Variants in TRAPPC10 observed in about 807,000 individuals in gnomAD.
TRAPPC10 encodes TRAPP 130 kDa subunit.
TRAPPC10 carries 23 observed loss-of-function variants against 125.5 expected under a neutral mutation model. The observed-to-expected ratio is 0.18, with a 90% confidence interval of 0.13 to 0.26. The LOEUF (loss-of-function observed/expected upper bound fraction) is 0.26, where lower values mean the gene tolerates loss of function less well. Ranked by LOEUF, TRAPPC10 falls within the 10% of genes least tolerant of loss-of-function variation. The pLI is 1.00. For synonymous variants in TRAPPC10, 509 were observed against 518.0 expected, an observed-to-expected ratio of 0.98 and a Z score of 0.24; for missense variants, 1,123 against 1,308.4, an observed-to-expected ratio of 0.86 and a Z score of 2.19.
chr21:44,082,707 C>T lies in TRAPPC10; in HGVS notation c.1724-81C>T. 6.6e-7 allele frequency: 1 copy of T among 1,515,446 alleles called. No homozygotes were observed. The highest frequency in any genetic ancestry group is 9.0e-7 in the Non-Finnish European group (1 of 1,110,810). The allele number at this position is 1,515,446 out of a possible 1,614,324, so 93.9% of individuals were successfully genotyped here. ...CTTGCTTCAGTCTGCTCTCGGTGAT[C>T]TTACTGTGTCCGCGGCCTGCTGCTG... On this transcript the variant is annotated intron_variant, in intron 13 of 22. Transcript: ENST00000291574. This position sits in a 1 kb window ranked among gnomAD's most constrained non-coding sequence, Gnocchi z 4.4.
Position 44,052,347 on chromosome 21 carries a change from A to G in TRAPPC10, c.353A>G (p.His118Arg). The part of the protein sequence containing the change: ...LTKWQNVLKA[H>R]SSVDWLIVIV... ...AAGTGGCAGAATGTTCTGAAGGCTCATAGCTCTGTGGACTGGTTAATAGTG... is the reference window on the plus strand; with the variant it reads ...AAGTGGCAGAATGTTCTGAAGGCTCGTAGCTCTGTGGACTGGTTAATAGTG... The change falls in exon 4 of 23, where the codon CAT becomes CGT. Residue 118 changes from histidine to arginine, a missense_variant. This residue lies in a region of TRAPPC10 where 177 missense variants were observed against 228.9 expected (regional missense o/e 0.77). Transcript: ENST00000291574. The G allele has an allele frequency of 6.2e-7, 1 of 1,613,516 alleles. No individual in the cohort carries two copies. Among genetic ancestry groups the G allele is most frequent in the African/African-American group, 1.3e-5 (1 of 75,036 alleles).
At chr21:44,032,199 A>G (rs369218956) in intron 2 of TRAPPC10, 27 bp downstream of exon 2, 37 of 1,566,030 alleles carry the variant, frequency 2.4e-5, no homozygotes, top group Non-Finnish European at 3.1e-5. Context: ...TTTTGGCTGT[A>G]TCCCTCTCTT....
At chr21:44,089,699 A>G (rs923104415) in intron 17 of TRAPPC10, 134 bp from the exon 18 acceptor site, 9 of 686,976 alleles carry the variant, frequency 1.3e-5, no homozygotes, top group South Asian at 4.7e-5. Context: ...TGCTTCCTGG[A>G]TAATGAGTGG....
At chr21:44,036,294 G>A (rs1434118778) in intron 2 of TRAPPC10, among the ~76,000 whole-genome samples, 3 of 152,226 alleles carry the variant, frequency 2.0e-5, no homozygotes, top group Non-Finnish European at 4.4e-5. Context: ...CCTCCCCACA[G>A]TCCTGAGGGA....
rs766181697 is a variant in TRAPPC10 at position 44,094,082 on chromosome 21, C to T, written c.3017C>T (p.Ser1006Leu). 9.3e-6 allele frequency: 15 copies of T among 1,613,698 alleles called. No homozygotes were observed. Among genetic ancestry groups the T allele is most frequent in the Middle Eastern group, 1.7e-4 (1 of 5,964 alleles). The change falls in exon 20 of 23, where the codon TCG becomes TTG. Residue 1006 changes from serine (S) to leucine (L), a missense_variant. Ser to Leu is a moderately radical substitution (Grantham distance 145). Coordinates refer to ENST00000291574, the MANE Select transcript of TRAPPC10 (RefSeq NM_003274.5). ...TTCCAGCCCATCTACAGCAAGCAGT[C>T]GGTGTTCTTCGTCTGGGAACTCAAG... Reference protein sequence around the residue: ...QSQQPIYSKQSVFFVWELKWT... With the variant: ...QSQQPIYSKQLVFFVWELKWT...
chr21:44,023,958 A>T (rs1490827503), intron 1 of TRAPPC10, among the ~76,000 whole-genome samples: 2 of 151,928 alleles, frequency 1.3e-5, no homozygotes, highest in Non-Finnish European at 2.9e-5. Flanking sequence ...GCTAATTTTT[A>T]TATTTTTAGT....
At position 44,012,641 on chromosome 21, in the gene TRAPPC10, C is replaced by T. The variant is rs1168002359; in HGVS notation, c.67+81C>T. 5.5e-6 allele frequency: 7 copies of T among 1,268,584 alleles called. No individual in the cohort carries two copies. In the East Asian group the frequency reaches 1.2e-4, roughly 21 times the overall value. The allele number at this position is 1,268,584 out of a possible 1,614,324, so 78.6% of individuals were successfully genotyped here. On this transcript the variant is annotated intron_variant, in intron 1 of 22. Transcript: ENST00000291574. The stretch of plus-strand genomic sequence containing the variant: ...GCGTTATGCACCCGGCGCCCCCAGA[C>T]CTTCAGCCCCCGGCGCGCTCCGGGC...
At chr21:44,079,242 T>C (rs1223017826) in intron 11 of TRAPPC10, among the ~76,000 whole-genome samples, 2 of 152,166 alleles carry the variant, frequency 1.3e-5, no homozygotes, top group African/African-American at 2.4e-5. Context: ...CAGCTTGAGA[T>C]CATGAATGAT....
chr21:44,032,728 A>G (rs1048326134), intron 2 of TRAPPC10, among the ~76,000 whole-genome samples: 1 of 152,188 alleles, frequency 6.6e-6, no homozygotes, highest in African/African-American at 2.4e-5. Context: ...AAGCAAGACA[A>G]TTATTTTGAG....
chr21:44,034,867 A>T (rs745540937), intron 2 of TRAPPC10, among the ~76,000 whole-genome samples: 2 of 152,188 alleles, frequency 1.3e-5, no homozygotes, highest in Non-Finnish European at 2.9e-5. Flanking sequence ...AATGCTGAGG[A>T]TGCCAGCAGC....
At chr21:44,030,095 G>A (rs958290547) in intron 1 of TRAPPC10, among the ~76,000 whole-genome samples, 4 of 152,234 alleles carry the variant, frequency 2.6e-5, no homozygotes, top group African/African-American at 7.2e-5. Context: ...TCTCCATTTA[G>A]ACGAGTCTTA....
chr21:44,068,696 G>T (rs1400061940), intron 7 of TRAPPC10, among the ~76,000 whole-genome samples: 1 of 152,040 alleles, frequency 6.6e-6, no homozygotes, highest in Non-Finnish European at 1.5e-5. Context: ...CGCCTCCAGG[G>T]TTCAGGCAAT....
chr21:44,048,999 G>T (rs746808395), intron 3 of TRAPPC10, among the ~76,000 whole-genome samples: 6 of 152,120 alleles, frequency 3.9e-5, no homozygotes, highest in Non-Finnish European at 8.8e-5. Flanking sequence ...TACTGAGAAT[G>T]TACTGATTCT....
intron 3 of TRAPPC10, among the ~76,000 whole-genome samples, chr21:44,040,400 T>C (rs1308087550): frequency 2.0e-5 from 3 of 152,044 alleles, no homozygotes; most frequent in Non-Finnish European, 4.4e-5. Flanking sequence ...CAGAGTGCAG[T>C]GGTGGGTTCT....
intron 11 of TRAPPC10, 96 bp downstream of exon 11, chr21:44,077,880 G>A: frequency 1.1e-6 from 1 of 907,270 alleles, no homozygotes; most frequent in South Asian, 2.0e-5. Context: ...ACATAAATTT[G>A]TAGACTGAAA....
chr21:44,092,552 T>C (rs1170015601), intron 19 of TRAPPC10, among the ~76,000 whole-genome samples: 1 of 152,168 alleles, frequency 6.6e-6, no homozygotes, highest in East Asian at 1.9e-4. Context: ...AAATGCTGAG[T>C]GTTTAGAGAT....
rs138266841 is a variant in TRAPPC10 at position 44,092,041 on chromosome 21, T to C, written c.2989T>C (p.Ser997Pro). 113 of 1,613,948 alleles carry C rather than the reference T, an allele frequency of 7.0e-5. No individual in the cohort carries two copies. Among genetic ancestry groups the C allele is most frequent in the Non-Finnish European group, 9.1e-5 (107 of 1,179,980 alleles). ...DLQLVPLNTQ[S>P]QQPIYSKQSV... ...GCAACTAGTACCACTGAACACGCAGTCCCAGCAGGTAAACATTGTGTAGAC... is the reference window on the plus strand; with the variant it reads ...GCAACTAGTACCACTGAACACGCAGCCCCAGCAGGTAAACATTGTGTAGAC... Residue 997 changes from serine to proline, a missense_variant, in exon 19 of 23, where the codon TCC (serine) becomes CCC (proline). Physicochemically the swap from Ser to Pro is moderately conservative, Grantham distance 74 (BLOSUM62 -1). Transcript: ENST00000291574.
rs2031218840 is a variant in TRAPPC10, at chr21:44,012,509, G to A, written c.16G>A (p.Glu6Lys). 1 of 1,529,602 alleles carries A rather than the reference G, an allele frequency of 6.5e-7. No homozygotes were observed. The highest frequency in any genetic ancestry group is 8.8e-7 in the Non-Finnish European group (1 of 1,136,188). The allele number at this position is 1,529,602 out of a possible 1,614,324, so 94.8% of individuals were successfully genotyped here. A position where few individuals can be genotyped will look rare whatever the true frequency, so the allele number is the denominator to read the frequency against. The change falls in exon 1 of 23, where the codon GAG becomes AAG. Residue 6 changes from glutamate to lysine, a missense_variant. By Grantham distance (56) the Glu-to-Lys change is moderately conservative. Coordinates refer to ENST00000291574, the MANE Select transcript of TRAPPC10 (RefSeq NM_003274.5). ...CCGGACGCCCATGGACGCCTCTGAG[G>A]AGCCGCTGCCGCCGGTGATCTACAC... is the stretch of plus-strand genomic sequence containing the variant. Reference protein sequence around the residue: MDASEEPLPPVIYTME... With the variant: MDASEKPLPPVIYTME...
In TRAPPC10 at chr21:44,082,235, C is replaced by G. The variant is rs995793555; in HGVS notation, c.1724-553C>G. Among the ~76,000 whole-genome samples the G allele has an allele frequency of 2.0e-5, 3 of 152,168 alleles. No homozygotes were observed. The highest frequency in any genetic ancestry group is 4.4e-5 in the Non-Finnish European group (3 of 68,028). On this transcript the variant is annotated intron_variant, in intron 13 of 22. Coordinates refer to ENST00000291574, the MANE Select transcript of TRAPPC10 (RefSeq NM_003274.5). The surrounding 1 kb of genome is among the most constrained non-coding windows in gnomAD (Gnocchi z 4.4). Reference sequence around the variant, plus strand: ...TACAGTTCGGTCAGAGAGAGAAGGGCCCAGAGAGAGCATTAGGCTCTCATT... The same window carrying G: ...TACAGTTCGGTCAGAGAGAGAAGGGGCCAGAGAGAGCATTAGGCTCTCATT...
Sources: allele counts gnomAD v4.1 joint callset (sites outside exome capture counted in the v4.1 genomes callset), GRCh38; gene constraint gnomAD v4.1.1; regional missense constraint gnomAD v4.1.1; non-coding constraint Gnocchi (gnomAD v3.1); transcripts MANE v1.5; gene names NCBI Gene and HGNC (gene_info 2026-07-23, HGNC 2026-07-21).